Variants in ABCC1 observed in about 807,000 individuals in gnomAD.
ABCC1 encodes ATP binding cassette subfamily C member 1 (ABCC1 blood group), also known as multidrug resistance-associated protein 1.
ABCC1 carries 83 observed loss-of-function variants against 172.9 expected under a neutral mutation model. That is an observed-to-expected ratio of 0.48 (90% CI 0.40 to 0.58). The LOEUF (loss-of-function observed/expected upper bound fraction) is 0.58. Among genes scored for constraint, ABCC1 ranks in the 20% least tolerant of loss-of-function variants. The pLI is 0.00. For missense variants in ABCC1, 1,817 were observed against 2,002.7 expected (o/e 0.91, Z 1.77); for synonymous variants, 937 against 825.2 (o/e 1.14, Z -2.32).
At position 16,121,961 on chromosome 16, in the gene ABCC1, G is replaced by A. The variant is rs187353706; in HGVS notation, c.3391-14G>A. The A allele has an allele frequency of 6.6e-5, 107 of 1,614,178 alleles. No individual in the cohort carries two copies. The African/African-American group carries it at 1.3e-3, about 19-fold the overall frequency. On this transcript the variant is annotated splice_polypyrimidine_tract_variant and intron_variant, in intron 23 of 30. Transcript: ENST00000399410. ...GAACCTTCATCAACTCCCCGCGTCT[G>A]TTCTCTACCCCAGAGGTTCTACGTG...
intron 19 of ABCC1, among the ~76,000 whole-genome samples, chr16:16,093,979 C>CTTTT (rs578261751): frequency 2.3e-4 from 25 of 106,606 alleles, no homozygotes; most frequent in South Asian, 7.1e-4. Context: ...TCCCTCTCTC[C>CTTTT]TTTTTTTTTT....
At chr16:16,060,447 T>G (rs538226393) in intron 12 of ABCC1, among the ~76,000 whole-genome samples, 2 of 152,304 alleles carry the variant, frequency 1.3e-5, no homozygotes, top group South Asian at 2.1e-4. Context: ...CCAATGCCCC[T>G]GCATTCTGCC....
At chr16:16,088,986 G>C (rs1329626776) in intron 18 of ABCC1, among the ~76,000 whole-genome samples, 1 of 152,184 alleles carries the variant, frequency 6.6e-6, no homozygotes, top group African/African-American at 2.4e-5. Context: ...TGGGATTACA[G>C]GTGTGAGCCA....
At chr16:15,968,226 G>A (rs1005708262) in intron 1 of ABCC1, among the ~76,000 whole-genome samples, 1 of 151,978 alleles carries the variant, frequency 6.6e-6, no homozygotes, top group African/African-American at 2.4e-5. Context: ...GTAGAGACAG[G>A]GTTTGCTGTG....
At chr16:16,055,816 A>T (rs2049626347) in intron 11 of ABCC1, among the ~76,000 whole-genome samples, 1 of 151,326 alleles carries the variant, frequency 6.6e-6, no homozygotes, top group Non-Finnish European at 1.5e-5. Flanking sequence ...TTACAGGGTC[A>T]GCTCTCCCAC....
intron 20 of ABCC1, among the ~76,000 whole-genome samples, chr16:16,104,748 G>A (rs967713207): frequency 1.8e-4 from 28 of 152,286 alleles, no homozygotes; most frequent in African/African-American, 6.3e-4. Context: ...CTCGGGCCGC[G>A]CAGGAGCCCA....
intron 1 of ABCC1, among the ~76,000 whole-genome samples, chr16:15,962,622 T>C (rs1040445362): frequency 6.6e-6 from 1 of 152,178 alleles, no homozygotes; most frequent in Admixed American, 6.5e-5. Flanking sequence ...AACATGTCCT[T>C]CTTCACATGG....
chr16:15,980,769 C>A (rs181745652), intron 1 of ABCC1, among the ~76,000 whole-genome samples: 68 of 152,288 alleles, frequency 4.5e-4, no homozygotes, highest in Middle Eastern at 3.4e-3. Flanking sequence ...TTTCAAAACA[C>A]AATCATGCCT....
intron 1 of ABCC1, among the ~76,000 whole-genome samples, chr16:15,997,037 G>A (rs2047080797): frequency 6.6e-6 from 1 of 152,038 alleles, no homozygotes; most frequent in African/African-American, 2.4e-5. Flanking sequence ...GAAGTGTCCA[G>A]CAAGGAGAAG....
At chr16:15,987,731 C>T (rs770828568) in intron 1 of ABCC1, among the ~76,000 whole-genome samples, 5 of 152,240 alleles carry the variant, frequency 3.3e-5, no homozygotes, top group Admixed American at 1.3e-4. Context: ...AGAATCCCTG[C>T]GGTGGCCTGT....
intron 7 of ABCC1, among the ~76,000 whole-genome samples, chr16:16,036,964 C>T (rs1043670458): frequency 6.6e-6 from 1 of 152,050 alleles, no homozygotes; most frequent in African/African-American, 2.4e-5. Context: ...ATTAGCTAGG[C>T]ATGGTGGCAG....
At position 16,131,925 on chromosome 16, in the gene ABCC1, G is replaced by A. The variant is rs1567440452; in HGVS notation, c.3956G>A (p.Gly1319Glu). The change falls in exon 27 of 31, where the codon GGG (glycine) becomes GAG (glutamate). Residue 1319 changes from glycine (G) to glutamate (E), a missense_variant. Transcript: ENST00000399410. Reference sequence around the variant, plus strand: ...AGGCACATCAATGTCACGATCAATGGGGGAGAAAAGGTGGGTACACATCGC... The same window carrying A: ...AGGCACATCAATGTCACGATCAATGAGGGAGAAAAGGTGGGTACACATCGC... ...VLRHINVTIN[G>E]GEKVGIVGRT... The A allele has an allele frequency of 1.2e-6, 2 of 1,613,744 alleles. No homozygotes were observed. Among genetic ancestry groups the A allele is most frequent in the Non-Finnish European group, 1.7e-6 (2 of 1,179,906 alleles).
chr16:16,132,506 G>GTTTTTTTTT (rs1567441293), intron 27 of ABCC1, among the ~76,000 whole-genome samples: 7 of 100,940 alleles, frequency 6.9e-5, no homozygotes, highest in African/African-American at 2.1e-4. Context: ...TTTTTTGGTT[G>GTTTTTTTTT]GTTGTTTTTT....
chr16:16,008,007 G>T lies in ABCC1; in HGVS notation c.225+15G>T, dbSNP rs773917553. 3.4e-6 allele frequency: 2 copies of T among 595,164 alleles called. No individual in the cohort carries two copies. Among genetic ancestry groups the T allele is most frequent in the African/African-American group, 2.1e-5 (1 of 47,568 alleles). 36.9% of individuals were successfully genotyped at this position (595,164 alleles called of 1,614,324 possible). On this transcript the variant is annotated intron_variant, in intron 2 of 30. Transcript: ENST00000399410. Reference sequence around the variant, plus strand: ...AAACCAAAACTGTAAGTCACTGGGGGGTTTCGTTGTGGGGGGTGGGAAGGT... The same window carrying T: ...AAACCAAAACTGTAAGTCACTGGGGTGTTTCGTTGTGGGGGGTGGGAAGGT...
At chr16:16,131,208 A>G (rs1706097307) in intron 26 of ABCC1, among the ~76,000 whole-genome samples, 1 of 152,230 alleles carries the variant, frequency 6.6e-6, no homozygotes, top group Non-Finnish European at 1.5e-5. Context: ...ATTCTGGCAG[A>G]CAAAAATGAA....
intron 26 of ABCC1, among the ~76,000 whole-genome samples, chr16:16,129,605 T>C (rs961277717): frequency 6.6e-6 from 1 of 151,622 alleles, no homozygotes; most frequent in Admixed American, 6.6e-5. Flanking sequence ...TGGTTTTATC[T>C]TGGCTCACTG....
intron 22 of ABCC1, 69 bp from the exon 23 acceptor site, chr16:16,114,697 C>A: frequency 6.9e-7 from 1 of 1,458,792 alleles, no homozygotes; most frequent in Non-Finnish European, 9.2e-7. Context: ...TCCACATGGC[C>A]ACTCCTCCCT....
intron 15 of ABCC1, among the ~76,000 whole-genome samples, chr16:16,077,965 C>G (rs541332386): frequency 6.6e-6 from 1 of 152,228 alleles, no homozygotes; most frequent in South Asian, 2.1e-4. Flanking sequence ...CGAGACCAGC[C>G]TGGCCAATGT....
In ABCC1 at chr16:16,083,372, G is replaced by C. The variant is rs749798264; in HGVS notation, c.2122G>C (p.Val708Leu). ...TTCTCCATTTGCAACTTAGGGCTCC[G>C]TGGCCTATGTGCCACAGCAGGCCTG... is the stretch of plus-strand genomic sequence containing the variant. ...VEGHVAIKGS[V>L]AYVPQQAWIQ... The change falls in exon 17 of 31, where the codon GTG becomes CTG. Residue 708 changes from valine to leucine, a missense_variant. Around this residue, in one of 3 missense-constraint regions of ABCC1, gnomAD observed 1,412 missense variants for 1,600.3 expected, o/e 0.88. Coordinates refer to ENST00000399410, the MANE Select transcript of ABCC1 (RefSeq NM_004996.4). 3 of 1,613,186 alleles carry C rather than the reference G, an allele frequency of 1.9e-6. No individual in the cohort carries two copies. Among genetic ancestry groups the C allele is most frequent in the East Asian group, 4.5e-5 (2 of 44,890 alleles).
Sources: allele counts gnomAD v4.1 joint callset (sites outside exome capture counted in the v4.1 genomes callset), GRCh38; gene constraint gnomAD v4.1.1; regional missense constraint gnomAD v4.1.1; transcripts MANE v1.5; gene names NCBI Gene and HGNC (gene_info 2026-07-23, HGNC 2026-07-21).